The following NAGA variants were observed in gnomAD, a reference collection of about 807,000 sequenced individuals.
NAGA encodes alpha-N-acetylgalactosaminidase.
In NAGA, 42 loss-of-function variants were observed where a neutral mutation model predicts 45.6. The observed-to-expected ratio is 0.92, with a 90% CI of 0.72 to 1.19. The LOEUF is 1.19. Ranked by LOEUF, NAGA falls within the 50% of genes most tolerant of loss-of-function variation. The probability of loss-of-function intolerance (pLI) is 0.00; values close to 1 mark genes in which losing one functional copy is unlikely to be tolerated. For missense variants in NAGA, 493 were observed against 544.8 expected (o/e 0.90, Z 0.95); for synonymous variants, 176 against 203.1 (o/e 0.87, Z 1.13).
intron 6 of NAGA, 111 bp downstream of exon 6, chr22:42,065,627 G>A (rs1270207949): frequency 1.5e-5 from 22 of 1,428,308 alleles, no homozygotes; most frequent in East Asian, 2.4e-5. Flanking sequence ...TTTCAGAAGC[G>A]CTGACCTAGA....
At chr22:42,066,525 GCT>G (rs1926739003) in intron 5 of NAGA, among the ~76,000 whole-genome samples, 183 bp downstream of exon 5, 1 of 152,116 alleles carries the variant, frequency 6.6e-6, no homozygotes, top group East Asian at 1.9e-4. Context: ...CTCTGGGCTG[GCT>G]GAGCCCACCT....
At position 42,062,950 on chromosome 22, in the gene NAGA, G is replaced by A. The variant is rs2146837621; in HGVS notation, c.834C>T (p.Ala278=). 2 of 1,614,168 alleles carry A rather than the reference G, an allele frequency of 1.2e-6. No individual in the cohort carries two copies. Among genetic ancestry groups the A allele is most frequent in the East Asian group, 4.5e-5 (2 of 44,878 alleles). ...GCAGGTCTGTGGACATCAAGAGGGGGGCTGCCAGCACCGTCCACAGGGCCA... is the reference window on the plus strand; with the variant it reads ...GCAGGTCTGTGGACATCAAGAGGGGAGCTGCCAGCACCGTCCACAGGGCCA... ...AQMALWTVLA[A]PLLMSTDLRT... Residue 278 remains alanine (A), a synonymous_variant, in exon 7 of 9, where the codon GCC becomes GCT. Coordinates refer to ENST00000396398, the MANE Select transcript of NAGA (RefSeq NM_000262.3).
rs747526561 is a variant in NAGA at position 42,060,394 on chromosome 22, C to G, written c.1121G>C (p.Gly374Ala). Residue 374 changes from glycine to alanine, a missense_variant, in exon 9 of 9, where the codon GGT (glycine) becomes GCT (alanine). Physicochemically the swap from Gly to Ala is moderately conservative, Grantham distance 60 (BLOSUM62 0). Transcript: ENST00000396398. ...VIYEAQDVYS[G>A]DIISGLRDET... is the part of the protein sequence containing the mutation. ...ATCTCGGAGGCCACTGATGATGTCA[C>G]CTGAGTAGACGTCCTGGGCCTGCAG... The G allele has an allele frequency of 2.2e-5, 36 of 1,613,248 alleles. No individual in the cohort carries two copies. The highest frequency in any genetic ancestry group is 1.3e-5 in the African/African-American group (1 of 74,860).
rs1926491745 is a variant in NAGA at position 42,062,917 on chromosome 22, G to A, written c.867C>T (p.Ile289=). The A allele has an allele frequency of 5.0e-6, 8 of 1,614,218 alleles. No individual in the cohort carries two copies. In the South Asian group the frequency reaches 7.7e-5, roughly 16 times the overall value. ...PLLMSTDLRT[I]SAQNMDILQN... ...GCAGAATGTCCATGTTCTGGGCGGA[G>A]ATGGTACGCAGGTCTGTGGACATCA... Residue 289 remains isoleucine (I), a synonymous_variant, in exon 7 of 9, where the codon ATC becomes ATT. Transcript: ENST00000396398.
In NAGA at chr22:42,062,895, G is replaced by A; in HGVS notation, c.889C>T (p.Leu297=). The A allele has an allele frequency of 6.2e-7, 1 of 1,614,200 alleles. No homozygotes were observed. Among genetic ancestry groups the A allele is most frequent in the Non-Finnish European group, 8.5e-7 (1 of 1,180,046 alleles). Residue 297 remains leucine, a synonymous_variant, in exon 7 of 9, where the codon CTG becomes TTG. Coordinates refer to ENST00000396398, the MANE Select transcript of NAGA (RefSeq NM_000262.3). ...ATTTTGATCATGAGTGGATTCTGCA[G>A]AATGTCCATGTTCTGGGCGGAGATG... ...RTISAQNMDI[L]QNPLMIKINQ... is the part of the protein sequence containing the mutation.
intron 1 of NAGA, 78 bp from the exon 2 acceptor site, chr22:42,068,652 G>A (rs1339232590): frequency 1.3e-6 from 2 of 1,580,852 alleles, no homozygotes; most frequent in Non-Finnish European, 1.7e-6. Flanking sequence ...CCATCTGTAT[G>A]TTGCTCAGCC....
chr22:42,067,649 G>A, intron 3 of NAGA, 116 bp downstream of exon 3: 1 of 908,382 alleles, frequency 1.1e-6, no homozygotes, highest in South Asian at 1.5e-5. Flanking sequence ...GTGTTCATTT[G>A]TCTGTTTCCC....
intron 7 of NAGA, among the ~76,000 whole-genome samples, chr22:42,061,951 CAAA>C (rs36076400): frequency 6.1e-5 from 5 of 82,388 alleles, no homozygotes; most frequent in Non-Finnish European, 9.3e-5. Context: ...GACTCCATCT[CAAA>C]AAAAAAAAAA....
intron 6 of NAGA, among the ~76,000 whole-genome samples, chr22:42,064,222 C>T (rs890367022): frequency 7.9e-5 from 12 of 151,594 alleles, no homozygotes; most frequent in African/African-American, 2.9e-4. Flanking sequence ...TGCCTGTAAT[C>T]CCAGCTACTT....
chr22:42,070,327 C>T lies in NAGA; in HGVS notation c.-30G>A. The T allele has an allele frequency of 1.2e-6, 2 of 1,613,678 alleles. No homozygotes were observed. The highest frequency in any genetic ancestry group is 1.7e-6 in the Non-Finnish European group (2 of 1,179,550). ...CTGGACTCAGCTTCCGAGGACCTGA[C>T]CAGATCTGGTCTGCGTGTATCAGCT... On this transcript the variant is annotated 5_prime_UTR_variant, in exon 1 of 9. The change creates a premature stop within an existing upstream ORF in the 5' untranslated region. Coordinates refer to ENST00000396398, the MANE Select transcript of NAGA (RefSeq NM_000262.3).
intron 5 of NAGA, 116 bp from the exon 6 acceptor site, chr22:42,066,015 A>G: frequency 7.5e-7 from 1 of 1,338,528 alleles, no homozygotes; most frequent in Non-Finnish European, 1.0e-6. Context: ...AAGAGGGAAG[A>G]GAACAGGCCC....
chr22:42,067,764 C>T lies in NAGA; in HGVS notation c.324+1G>A, dbSNP rs140673721. 119 of 1,611,712 alleles carry T rather than the reference C, an allele frequency of 7.4e-5. No homozygotes were observed. The highest frequency in any genetic ancestry group is 9.0e-5 in the Non-Finnish European group (106 of 1,179,842). On this transcript the variant is annotated splice_donor_variant, in intron 3 of 8. Transcript: ENST00000396398. LOFTEE classifies it high-confidence loss of function. Reference sequence around the variant, plus strand: ...AAGGGCAGGGCTGGGGTGCGGCTCACGTAGTCAGCCAGGAAAGGAATGCCA... The same window carrying T: ...AAGGGCAGGGCTGGGGTGCGGCTCATGTAGTCAGCCAGGAAAGGAATGCCA...
Position 42,067,113 on chromosome 22 carries a change from C to A in NAGA, c.502G>T (p.Gly168Trp). The change falls in exon 4 of 9, where the codon GGG becomes TGG. Residue 168 changes from glycine (G) to tryptophan (W), a missense_variant and splice_region_variant. Coordinates refer to ENST00000396398, the MANE Select transcript of NAGA (RefSeq NM_000262.3). ...CFSTPEERAQ[G>W]YPKMAAALNA... ...TGCCCCAGCCAGCTGCGTAACTCAC[C>A]CTGGGCCCGCTCCTCGGGGGTGGAG... is the stretch of plus-strand genomic sequence containing the variant. The A allele has an allele frequency of 1.2e-6, 2 of 1,613,866 alleles. No individual in the cohort carries two copies. The highest frequency in any genetic ancestry group is 1.7e-6 in the Non-Finnish European group (2 of 1,179,988).
chr22:42,060,601 A>G (rs1206011932), intron 8 of NAGA, among the ~76,000 whole-genome samples, 188 bp from the exon 9 acceptor site: 2 of 152,216 alleles, frequency 1.3e-5, no homozygotes, highest in Non-Finnish European at 2.9e-5. Flanking sequence ...CAGGTGCCCA[A>G]GCACGGGCAG....
chr22:42,068,527 G>T lies in NAGA; in HGVS notation c.64C>A (p.Leu22Ile), dbSNP rs764196275. Residue 22 changes from leucine (L) to isoleucine (I), a missense_variant, in exon 2 of 9, where the codon CTC becomes ATC. By Grantham distance (5) the Leu-to-Ile change is conservative. Transcript: ENST00000396398. ...CAGCCCATGGGTGGTGTCTGCAGGAGCCCATTGTCCAGCATCAGCACCTGG... is the reference window on the plus strand; with the variant it reads ...CAGCCCATGGGTGGTGTCTGCAGGATCCCATTGTCCAGCATCAGCACCTGG... ...VAQVLMLDNG[L>I]LQTPPMGWLA... 1.9e-6 allele frequency: 3 copies of T among 1,614,052 alleles called. No homozygotes were observed. The highest frequency in any genetic ancestry group is 1.7e-6 in the Non-Finnish European group (2 of 1,180,032).
chr22:42,060,556 C>G, intron 8 of NAGA, 143 bp from the exon 9 acceptor site: 1 of 1,197,134 alleles, frequency 8.4e-7, no homozygotes, highest in South Asian at 1.3e-5. Flanking sequence ...AGTGGGAGCC[C>G]TGAATCCCCA....
At chr22:42,067,032 C>T in intron 4 of NAGA, 81 bp downstream of exon 4, 4 of 1,593,558 alleles carry the variant, frequency 2.5e-6, no homozygotes, top group African/African-American at 1.3e-5. Context: ...AATTGGGAAG[C>T]TCAGCCAGGT....
At chr22:42,067,358 A>C (rs1265937032) in intron 3 of NAGA, 68 bp from the exon 4 acceptor site, 59 of 1,590,346 alleles carry the variant, frequency 3.7e-5, no homozygotes, top group Non-Finnish European at 5.0e-5. Flanking sequence ...GGCATATCTG[A>C]CCCCGTCCCA....
At chr22:42,064,340 C>CTAAA (rs756109097) in intron 6 of NAGA, among the ~76,000 whole-genome samples, 13 of 138,890 alleles carry the variant, frequency 9.4e-5, no homozygotes, top group South Asian at 9.2e-4. Flanking sequence ...AACTCAGTCT[C>CTAAA]TAAATAAATA....
Sources: gnomAD v4.1 joint callset for allele counts (sites outside exome capture counted in the v4.1 genomes callset) on GRCh38, gnomAD v4.1.1 for gene constraint, MANE v1.5 for transcripts, NCBI Gene and HGNC (gene_info 2026-07-23, HGNC 2026-07-21) for gene names.